SEMA5B: variants seen among roughly 807,000 people sequenced by gnomAD.
SEMA5B encodes semaphorin 5B, also known as semaphorin-5B.
A neutral mutation model predicts 135.0 loss-of-function variants in SEMA5B; 66 were observed. The observed-to-expected ratio is 0.49, with a 90% CI of 0.40 to 0.60. The LOEUF (loss-of-function observed/expected upper bound fraction) is 0.60. SEMA5B is among the 20% of genes least tolerant of loss of function. The pLI, the probability that SEMA5B is intolerant of heterozygous loss-of-function variation, is 0.00. For synonymous variants in SEMA5B, 690 were observed against 639.5 expected, an observed-to-expected ratio of 1.08 and a Z score of -1.19; for missense variants, 1,501 against 1,566.3, an observed-to-expected ratio of 0.96 and a Z score of 0.70.
chr3:122,930,470 G>C (rs532787254), intron 5 of SEMA5B, among the ~76,000 whole-genome samples: 1 of 152,374 alleles, frequency 6.6e-6, no homozygotes, highest in East Asian at 1.9e-4. Context: ...TGATATGAGA[G>C]AAGAGAGGGC....
intron 1 of SEMA5B, among the ~76,000 whole-genome samples, chr3:122,966,603 G>A (rs1298366143): frequency 6.7e-6 from 1 of 149,856 alleles, no homozygotes; most frequent in Non-Finnish European, 1.5e-5. Flanking sequence ...CACCCAGGCT[G>A]GAGTGCAGTG....
At chr3:123,011,715 GAGAGGCCACA>G (rs1413192635) in intron 1 of SEMA5B, among the ~76,000 whole-genome samples, 3 of 152,184 alleles carry the variant, frequency 2.0e-5, no homozygotes, top group Non-Finnish European at 4.4e-5. Flanking sequence ...TGCTATCCCA[GAGAGGCCACA>G]AGAGAGGGAC....
intron 2 of SEMA5B, among the ~76,000 whole-genome samples, chr3:122,949,277 CA>C (rs893122906): frequency 6.6e-6 from 1 of 152,152 alleles, no homozygotes; most frequent in African/African-American, 2.4e-5. Context: ...CTCCTCTCCC[CA>C]AAAACAACAT....
rs533705640 is a variant in SEMA5B, at chr3:122,913,262, C to G, written c.2443G>C (p.Gly815Arg). 1.9e-6 allele frequency: 3 copies of G among 1,585,302 alleles called. No individual in the cohort carries two copies. Among genetic ancestry groups the G allele is most frequent in the South Asian group, 1.1e-5 (1 of 88,318 alleles). Residue 815 changes from glycine to arginine, a missense_variant, in exon 17 of 23, where the codon GGC (glycine) becomes CGC (arginine). Physicochemically the swap from Gly to Arg is moderately radical, Grantham distance 125. This residue lies in a region of SEMA5B where 927 missense variants were observed against 881.6 expected (regional missense o/e 1.05). Coordinates refer to ENST00000357599, the MANE Select transcript of SEMA5B (RefSeq NM_001031702.4). Reference sequence around the variant, plus strand: ...GTCCTCGTCTCGGTCCTTCTCCTGCCGAACTGCAGGCCGTGCGGGTCTGCA... The same window carrying G: ...GTCCTCGTCTCGGTCCTTCTCCTGCGGAACTGCAGGCCGTGCGGGTCTGCA... ...PLADPHGLQF[G>R]RRRTETRTCP...
chr3:122,910,535 C>T (rs556901412), intron 22 of SEMA5B, among the ~76,000 whole-genome samples: 52 of 152,274 alleles, frequency 3.4e-4, no homozygotes, highest in African/African-American at 1.2e-3. Context: ...CCCGGCCGGG[C>T]GCGGTGGCTC....
At chr3:123,010,365 C>T (rs944896276) in intron 1 of SEMA5B, among the ~76,000 whole-genome samples, 4 of 152,174 alleles carry the variant, frequency 2.6e-5, no homozygotes, top group Non-Finnish European at 4.4e-5. Context: ...GTACCAAACT[C>T]AGAACTTAGT....
chr3:122,972,339 C>A (rs1941154147), intron 1 of SEMA5B, among the ~76,000 whole-genome samples: 1 of 152,120 alleles, frequency 6.6e-6, no homozygotes, highest in South Asian at 2.1e-4. Context: ...CAACTCCAAG[C>A]CACATGGTAA....
chr3:122,987,088 G>A (rs372598402), intron 1 of SEMA5B, among the ~76,000 whole-genome samples: 39 of 152,246 alleles, frequency 2.6e-4, no homozygotes, highest in Admixed American at 8.5e-4. Context: ...CAGAACCGGC[G>A]GAAAAAGGGA....
Position 122,913,352 on chromosome 3 carries a change from C to G in SEMA5B, c.2353G>C (p.Val785Leu). 6.3e-7 allele frequency: 1 copy of G among 1,581,098 alleles called. No individual in the cohort carries two copies. Among genetic ancestry groups the G allele is most frequent in the Middle Eastern group, 1.7e-4 (1 of 6,016 alleles). The change falls in exon 17 of 23, where the codon GTG becomes CTG. Residue 785 changes from valine to leucine, a missense_variant. Physicochemically the swap from Val to Leu is conservative, Grantham distance 32 (BLOSUM62 1). Coordinates refer to ENST00000357599, the MANE Select transcript of SEMA5B (RefSeq NM_001031702.4). ...CGTGCCCCGCCCTGCGTCACGTTCA[C>G]GGGCAGCCACGGCGTCCAGGGGGTG... ...RNTPWTPWLPVNVTQGGARQE... is the reference protein window; with the variant it reads ...RNTPWTPWLPLNVTQGGARQE...
chr3:122,929,732 C>G (rs1938858962), intron 5 of SEMA5B, among the ~76,000 whole-genome samples: 1 of 152,168 alleles, frequency 6.6e-6, no homozygotes, highest in African/African-American at 2.4e-5. Flanking sequence ...CTGCACTTTC[C>G]TCCCAGCTTC....
intron 1 of SEMA5B, among the ~76,000 whole-genome samples, chr3:122,989,651 C>T (rs1473433298): frequency 3.3e-5 from 5 of 152,178 alleles, no homozygotes; most frequent in African/African-American, 9.7e-5. Flanking sequence ...CCAGCTCTGT[C>T]GTGGGGCCAT....
chr3:122,957,625 A>T (rs1576366112), intron 2 of SEMA5B, among the ~76,000 whole-genome samples: 1 of 152,238 alleles, frequency 6.6e-6, no homozygotes, highest in South Asian at 2.1e-4. Context: ...TATTGACAGC[A>T]TGCTAGGCAC....
chr3:123,008,731 G>A (rs1942368356), intron 1 of SEMA5B, among the ~76,000 whole-genome samples: 3 of 152,306 alleles, frequency 2.0e-5, no homozygotes, highest in Admixed American at 2.0e-4. Context: ...TGAGTTAGGT[G>A]CAGGTTTCTG....
intron 2 of SEMA5B, among the ~76,000 whole-genome samples, chr3:122,954,941 T>C (rs1463869889): frequency 2.7e-5 from 4 of 150,650 alleles, no homozygotes; most frequent in African/African-American, 9.7e-5. Flanking sequence ...TACAGGCACA[T>C]ACCACCAGGC....
At position 122,912,259 on chromosome 3, in the gene SEMA5B, A is replaced by G; in HGVS notation, c.2809T>C (p.Cys937Arg). 6.2e-7 allele frequency: 1 copy of G among 1,612,306 alleles called. No homozygotes were observed. Among genetic ancestry groups the G allele is most frequent in the South Asian group, 1.1e-5 (1 of 90,692 alleles). ...CCTGGGGAGGGTGCGGGGCTGGTGC[A>G]GGAACGGGTGCGTTGATAGTGACCC... is the stretch of plus-strand genomic sequence containing the variant. The part of the protein sequence containing the change: ...GGGHYQRTRS[C>R]TSPAPSPGED... Residue 937 changes from cysteine to arginine, a missense_variant, in exon 19 of 23, where the codon TGC becomes CGC. Cys to Arg is a radical substitution (Grantham distance 180). This residue lies in a region of SEMA5B where 927 missense variants were observed against 881.6 expected (regional missense o/e 1.05). Transcript: ENST00000357599.
intron 2 of SEMA5B, among the ~76,000 whole-genome samples, chr3:122,957,329 C>A (rs1940369105): frequency 6.6e-6 from 1 of 152,174 alleles, no homozygotes; most frequent in South Asian, 2.1e-4. Flanking sequence ...GGATCTCAGC[C>A]CAATTTGCAG....
Position 122,922,241 on chromosome 3 carries a change from G to T in SEMA5B, c.1479C>A (p.Thr493=). The T allele has an allele frequency of 6.2e-7, 1 of 1,607,954 alleles. No individual in the cohort carries two copies. Among genetic ancestry groups the T allele is most frequent in the South Asian group, 1.1e-5 (1 of 90,798 alleles). ...DTLYHVLYIG[T]ESGTILKALS... The stretch of plus-strand genomic sequence containing the variant: ...CCAGGTTGGACCGGGCCGGCTCACC[G>T]GTGCCAATGTAGAGTACATGGTAGA... Residue 493 remains threonine, a splice_region_variant and synonymous_variant, in exon 11 of 23, where the codon ACC becomes ACA. Transcript: ENST00000357599.
At chr3:122,980,183 G>A (rs758347264) in intron 1 of SEMA5B, among the ~76,000 whole-genome samples, 1 of 151,890 alleles carries the variant, frequency 6.6e-6, no homozygotes, top group Admixed American at 6.6e-5. Context: ...GGAATTGGCC[G>A]GGCATGGTGG....
chr3:122,985,845 G>A lies in SEMA5B; in HGVS notation c.-38-24544C>T, dbSNP rs1941681079. ...TGTGAAAAGAAATGGAGCCATATTT[G>A]GAAAAACATAGTCCAAATCAAGAAA... On this transcript the variant is annotated intron_variant, in intron 1 of 22. Coordinates refer to ENST00000357599, the MANE Select transcript of SEMA5B (RefSeq NM_001031702.4). Among the ~76,000 whole-genome samples the A allele has an allele frequency of 3.3e-5, 5 of 152,120 alleles. No homozygotes were observed. In the South Asian group the frequency reaches 1.0e-3, roughly 32 times the overall value.
Sources: gnomAD v4.1 joint callset for allele counts (sites outside exome capture counted in the v4.1 genomes callset) on GRCh38, gnomAD v4.1.1 for gene constraint, gnomAD v4.1.1 regional missense constraint, MANE v1.5 for transcripts, NCBI Gene and HGNC (gene_info 2026-07-23, HGNC 2026-07-21) for gene names.